Variants in ROBO2 observed in about 807,000 individuals in gnomAD.
The protein encoded by ROBO2 is roundabout guidance receptor 2.
ROBO2 carries 53 observed loss-of-function variants against 160.8 expected under a neutral mutation model. The observed-to-expected ratio is 0.33, with a 90% CI of 0.26 to 0.41. The LOEUF is 0.41. Among genes scored for constraint, ROBO2 ranks in the 10% least tolerant of loss-of-function variants. ROBO2 has a pLI of 1.00. For missense variants in ROBO2, 1,577 were observed against 1,722.4 expected (o/e 0.92, Z 1.49); for synonymous variants, 664 against 611.7 (o/e 1.09, Z -1.26).
exon 16 of ROBO2, chr3:77,580,007 C>A (rs1439004207): frequency 6.2e-7 from 1 of 1,613,692 alleles, no homozygotes; most frequent in Non-Finnish European, 8.5e-7. Flanking sequence ...TGCAGCCATT[C>A]GGTCCGTAAT....
At chr3:77,250,692 A>ATC (rs2090239058) in intron 2 of ROBO2, among the ~76,000 whole-genome samples, 1 of 152,148 alleles carries the variant, frequency 6.6e-6, no homozygotes, top group Non-Finnish European at 1.5e-5. Flanking sequence ...TGGAGTTTGG[A>ATC]AAGAGGAGAT....
chr3:76,220,846 G>C (rs1703919432), intron 2 of ROBO2, among the ~76,000 whole-genome samples: 1 of 152,110 alleles, frequency 6.6e-6, no homozygotes, highest in Admixed American at 6.6e-5. Context: ...GATCATAGCT[G>C]GTATTTGTAA....
chr3:76,222,107 T>G (rs1704004220), intron 2 of ROBO2, among the ~76,000 whole-genome samples: 1 of 152,176 alleles, frequency 6.6e-6, no homozygotes, highest in African/African-American at 2.4e-5. Flanking sequence ...CCTATGTTGC[T>G]GAGTGCATGC....
intron 2 of ROBO2, among the ~76,000 whole-genome samples, chr3:76,280,845 T>G (rs1708192886): frequency 6.6e-6 from 1 of 151,950 alleles, no homozygotes; most frequent in Non-Finnish European, 1.5e-5. Flanking sequence ...TAAGTGCACA[T>G]TTAAACAAAT....
chr3:76,206,608 T>G (rs1046356053), intron 2 of ROBO2, among the ~76,000 whole-genome samples: 1 of 152,202 alleles, frequency 6.6e-6, no homozygotes, highest in Non-Finnish European at 1.5e-5. Flanking sequence ...CACTCCCATG[T>G]GTGAAAAGTT....
intron 2 of ROBO2, among the ~76,000 whole-genome samples, chr3:76,583,975 C>A (rs2108755724): frequency 6.6e-6 from 1 of 152,236 alleles, no homozygotes; most frequent in African/African-American, 2.4e-5. Context: ...CATGTAAAAA[C>A]CACCTGAACA....
chr3:76,584,189 G>A (rs1201839173), intron 2 of ROBO2, among the ~76,000 whole-genome samples: 2 of 152,082 alleles, frequency 1.3e-5, no homozygotes, highest in African/African-American at 2.4e-5. Flanking sequence ...TTCAGAGGAT[G>A]CACTTTGTCA....
intron 2 of ROBO2, among the ~76,000 whole-genome samples, chr3:76,086,755 TTTAG>T (rs1173006810): frequency 6.6e-6 from 1 of 152,152 alleles, no homozygotes; most frequent in Non-Finnish European, 1.5e-5. Context: ...AAATTTTTTA[TTTAG>T]TAACTATGAT....
At chr3:76,826,162 T>C (rs2066571746) in intron 2 of ROBO2, among the ~76,000 whole-genome samples, 1 of 152,012 alleles carries the variant, frequency 6.6e-6, no homozygotes, top group Non-Finnish European at 1.5e-5. Context: ...AGATTTCCAA[T>C]AGGCTGTGAT....
At chr3:76,564,031 C>T (rs145770902) in intron 2 of ROBO2, among the ~76,000 whole-genome samples, 1 of 152,232 alleles carries the variant, frequency 6.6e-6, no homozygotes, top group African/African-American at 2.4e-5. Flanking sequence ...AGTGGTGAAA[C>T]CCCATCTCTA....
chr3:76,930,387 G>A (rs531794673), intron 2 of ROBO2, among the ~76,000 whole-genome samples: 3 of 152,072 alleles, frequency 2.0e-5, no homozygotes, highest in African/African-American at 7.2e-5. Context: ...AAATGTCATG[G>A]GTGAAGTCTC....
intron 16 of ROBO2, among the ~76,000 whole-genome samples, chr3:77,584,933 C>CATAT (rs775050823): frequency 1.2e-4 from 18 of 144,990 alleles, no homozygotes; most frequent in African/African-American, 4.6e-4. Context: ...CATATATATA[C>CATAT]ATATATATAT....
At chr3:77,511,346 A>C (rs2089371136) in intron 5 of ROBO2, among the ~76,000 whole-genome samples, 1 of 151,914 alleles carries the variant, frequency 6.6e-6, no homozygotes, top group Non-Finnish European at 1.5e-5. Flanking sequence ...TGATGTCTGA[A>C]AGAGCCCAGC....
At chr3:76,850,503 G>A (rs1166959) in intron 2 of ROBO2, among the ~76,000 whole-genome samples, 40,751 of 151,882 alleles carry the variant, frequency 0.27, 5,914 homozygotes, top group East Asian at 0.45. Context: ...CATTCTCCCA[G>A]TCTTCCAAAC....
Position 76,578,097 on chromosome 3 carries a change from T to C in ROBO2, c.110-519917T>C, listed in dbSNP as rs1010572160. On this transcript the variant is annotated intron_variant, in intron 2 of 26. Transcript: ENST00000487694. Reference sequence around the variant, plus strand: ...AAACCTGACTGTGTCACTTACCAGCTTGGGAACTTAGACAGGTTCACCTGT... The same window carrying C: ...AAACCTGACTGTGTCACTTACCAGCCTGGGAACTTAGACAGGTTCACCTGT... Among the ~76,000 whole-genome samples, 3 of 152,312 alleles carry C rather than the reference T, an allele frequency of 2.0e-5. No homozygotes were observed. The East Asian group carries it at 5.8e-4, about 29-fold the overall frequency.
At chr3:76,720,318 C>G (rs1003794212) in intron 2 of ROBO2, among the ~76,000 whole-genome samples, 37 of 152,140 alleles carry the variant, frequency 2.4e-4, no homozygotes, top group Admixed American at 2.2e-3. Flanking sequence ...TCCAAGCCAT[C>G]CAGTCTGTGA....
At chr3:77,589,148 G>T (rs1046821848) in intron 17 of ROBO2, among the ~76,000 whole-genome samples, 1 of 152,052 alleles carries the variant, frequency 6.6e-6, no homozygotes, top group African/African-American at 2.4e-5. Context: ...CTCCAGTGAA[G>T]CATAACAAGA....
At chr3:76,185,272 A>T (rs151033616) in intron 2 of ROBO2, among the ~76,000 whole-genome samples, 3 of 137,052 alleles carry the variant, frequency 2.2e-5, no homozygotes, top group African/African-American at 7.9e-5. Context: ...ACTGTCAACA[A>T]TAGCTTGGTA....
At chr3:76,476,095 G>A (rs557108642) in intron 2 of ROBO2, among the ~76,000 whole-genome samples, 2 of 152,318 alleles carry the variant, frequency 1.3e-5, no homozygotes, top group East Asian at 3.9e-4. Context: ...GGAGGTTTCA[G>A]TGAACTGAGA....
Sources: gnomAD v4.1 joint callset for allele counts (sites outside exome capture counted in the v4.1 genomes callset) on GRCh38, gnomAD v4.1.1 for gene constraint, MANE v1.5 for transcripts, NCBI Gene and HGNC (gene_info 2026-07-23, HGNC 2026-07-21) for gene names.